SNX19: variants seen among roughly 807,000 people sequenced by gnomAD.
SNX19 encodes sorting nexin 19.
A neutral mutation model predicts 85.2 loss-of-function variants in SNX19; 60 were observed. That is an observed-to-expected ratio of 0.70 (90% CI 0.57 to 0.87). SNX19 has a LOEUF of 0.87. SNX19 is among the 40% of genes least tolerant of loss of function. The pLI is 0.00. For missense variants in SNX19, 1,201 were observed against 1,217.8 expected, an observed-to-expected ratio of 0.99 and a Z score of 0.21; for synonymous variants, 520 against 470.0, an observed-to-expected ratio of 1.11 and a Z score of -1.38.
chr11:130,903,096 G>T, intron 8 of SNX19, 159 bp downstream of exon 8: 1 of 970,786 alleles, frequency 1.0e-6, no homozygotes, highest in Admixed American at 2.8e-5. Flanking sequence ...GTCAATAAAA[G>T]CTTTCTGATA....
At chr11:130,895,269 T>G in intron 8 of SNX19, 3 of 984,178 alleles carry the variant, frequency 3.0e-6, no homozygotes, top group African/African-American at 1.7e-5. Flanking sequence ...TAACTGAAGA[T>G]CTGGGTATGC....
At chr11:130,899,846 A>T (rs997396959) in intron 8 of SNX19, among the ~76,000 whole-genome samples, 3 of 152,240 alleles carry the variant, frequency 2.0e-5, no homozygotes, top group Non-Finnish European at 4.4e-5. Flanking sequence ...CACCAAATAT[A>T]TTCAGAGTTT....
chr11:130,906,827 T>C (rs1381510030), intron 5 of SNX19, 106 bp from the exon 6 acceptor site: 1 of 818,650 alleles, frequency 1.2e-6, no homozygotes. Context: ...ATATCCATAC[T>C]TATTCTGGGG....
intron 4 of SNX19, 158 bp from the exon 5 acceptor site, chr11:130,908,241 T>C (rs990624207): frequency 3.0e-6 from 2 of 660,374 alleles, no homozygotes; most frequent in Admixed American, 3.6e-5. Context: ...TACCAGCTAA[T>C]GACTTAGTGC....
Position 130,880,658 on chromosome 11 carries a change from T to C in SNX19, c.2722A>G (p.Lys908Glu), listed in dbSNP as rs1485710978. 1 of 1,607,474 alleles carries C rather than the reference T, an allele frequency of 6.2e-7. No homozygotes were observed. The change falls in exon 9 of 11, where the codon AAA becomes GAA. Residue 908 changes from lysine (K) to glutamate (E), a missense_variant. Around this residue, in one of 3 missense-constraint regions of SNX19, gnomAD observed 285 missense variants for 295.3 expected, o/e 0.97. Coordinates refer to ENST00000265909, the MANE Select transcript of SNX19 (RefSeq NM_014758.3). ...CCCATCAGGCTCTGCAAAGCCTGTTTCTCAGCAGCCAGTTTCTGCTCTTGG... is the reference window on the plus strand; with the variant it reads ...CCCATCAGGCTCTGCAAAGCCTGTTCCTCAGCAGCCAGTTTCTGCTCTTGG... ...RTQEQKLAAEKQALQSLMGVL... is the reference protein window; with the variant it reads ...RTQEQKLAAEEQALQSLMGVL...
chr11:130,908,636 G>A (rs1945854484), intron 4 of SNX19, among the ~76,000 whole-genome samples: 1 of 152,184 alleles, frequency 6.6e-6, no homozygotes. Context: ...TTTAGGTACA[G>A]AAAGAATAAC....
At chr11:130,909,920 C>T (rs1424068595) in intron 4 of SNX19, 98 bp downstream of exon 4, 2 of 1,517,192 alleles carry the variant, frequency 1.3e-6, no homozygotes, top group Middle Eastern at 2.4e-4. Context: ...CCTTCCCACA[C>T]CCTACTGCTC....
Position 130,872,386 on chromosome 11 carries a change from C to A in SNX19, c.*6036G>T, listed in dbSNP as rs1199872448. Among the ~76,000 whole-genome samples, 1 of 152,030 alleles carries A rather than the reference C, an allele frequency of 6.6e-6. No homozygotes were observed. Among genetic ancestry groups the A allele is most frequent in the Admixed American group, 6.5e-5 (1 of 15,278 alleles). On this transcript the variant is annotated 3_prime_UTR_variant, in exon 11 of 11. Coordinates refer to ENST00000265909, the MANE Select transcript of SNX19 (RefSeq NM_014758.3). The stretch of plus-strand genomic sequence containing the variant: ...TTTACACACTGTTGCTACCAAGTCA[C>A]AGAAGGAAAAAGATTCTGATGATTT...
intron 8 of SNX19, among the ~76,000 whole-genome samples, chr11:130,891,443 A>ACTG (rs1944488072): frequency 6.6e-6 from 1 of 152,182 alleles, no homozygotes; most frequent in Non-Finnish European, 1.5e-5. Flanking sequence ...CCTGGAGGAG[A>ACTG]GAGACAGCTG....
In SNX19 at chr11:130,903,672, AATAT is replaced by A. The variant is rs887741406; in HGVS notation, c.2444-292_2444-289del. 3.4e-5 allele frequency among the ~76,000 whole-genome samples: 5 copies of A among 148,418 alleles called. No homozygotes were observed. The South Asian group carries it at 1.1e-3, about 32-fold the overall frequency. Reference sequence around the variant, plus strand: ...CTTCTAATTATATATATATCTGCTAAATATATATATGTGTGTATATATACATATA... The same window carrying A: ...CTTCTAATTATATATATATCTGCTAAATATATGTGTGTATATATACATATA... On this transcript the variant is annotated intron_variant, in intron 7 of 10. Transcript: ENST00000265909.
At chr11:130,904,102 T>C (rs987858423) in intron 7 of SNX19, among the ~76,000 whole-genome samples, 3 of 152,200 alleles carry the variant, frequency 2.0e-5, no homozygotes, top group Admixed American at 6.5e-5. Context: ...TCAAAGACTG[T>C]AAGGGCCACA....
chr11:130,901,300 C>T (rs1279802167), intron 8 of SNX19, among the ~76,000 whole-genome samples: 2 of 152,140 alleles, frequency 1.3e-5, no homozygotes, highest in Non-Finnish European at 2.9e-5. Flanking sequence ...TTTATATAAA[C>T]ACACTGTGAC....
chr11:130,907,815 T>G, intron 5 of SNX19, 138 bp downstream of exon 5: 1 of 1,321,540 alleles, frequency 7.6e-7, no homozygotes. Flanking sequence ...GAGCCTGGGG[T>G]CTAGCTTTGC....
intron 8 of SNX19, among the ~76,000 whole-genome samples, chr11:130,891,880 G>A (rs542983525): frequency 6.6e-4 from 93 of 141,234 alleles, no homozygotes; most frequent in Admixed American, 2.0e-3. Flanking sequence ...TCATTCTGTC[G>A]CCCAGGCTGG....
chr11:130,878,844 C>T (rs1943440679), intron 10 of SNX19, among the ~76,000 whole-genome samples: 1 of 152,156 alleles, frequency 6.6e-6, no homozygotes, highest in Non-Finnish European at 1.5e-5. Flanking sequence ...GATAACAAAT[C>T]CTTGAGATGT....
intron 8 of SNX19, among the ~76,000 whole-genome samples, chr11:130,895,831 T>C (rs1257512406): frequency 1.3e-5 from 2 of 152,178 alleles, no homozygotes; most frequent in African/African-American, 4.8e-5. Context: ...AGGAAAGCCA[T>C]GATGTCTTCA....
At chr11:130,879,269 G>T (rs1943477163) in intron 10 of SNX19, among the ~76,000 whole-genome samples, 1 of 152,206 alleles carries the variant, frequency 6.6e-6, no homozygotes, top group Non-Finnish European at 1.5e-5. Flanking sequence ...GCATTCACAG[G>T]GGCTGGCAGA....
chr11:130,908,514 A>T (rs1422954950), intron 4 of SNX19, among the ~76,000 whole-genome samples: 1 of 152,252 alleles, frequency 6.6e-6, no homozygotes, highest in Non-Finnish European at 1.5e-5. Context: ...AGTGAAGAAG[A>T]TGATCAAAAA....
intron 8 of SNX19, among the ~76,000 whole-genome samples, chr11:130,894,336 T>C (rs1944716636): frequency 6.6e-6 from 1 of 152,202 alleles, no homozygotes; most frequent in African/African-American, 2.4e-5. Flanking sequence ...GGGCAACTTC[T>C]GGTCATCCAC....
Sources: gnomAD v4.1 joint callset for allele counts (sites outside exome capture counted in the v4.1 genomes callset) on GRCh38, gnomAD v4.1.1 for gene constraint, gnomAD v4.1.1 regional missense constraint, MANE v1.5 for transcripts, NCBI Gene and HGNC (gene_info 2026-07-23, HGNC 2026-07-21) for gene names.